SLC6A5: variants seen among roughly 807,000 people sequenced by gnomAD.
SLC6A5 encodes solute carrier family 6 member 5, also known as sodium- and chloride-dependent glycine transporter 2.
In SLC6A5, 58 loss-of-function variants were observed where a neutral mutation model predicts 90.5. The ratio of observed to expected loss-of-function variants is 0.64; its 90% CI spans 0.52 to 0.80. The LOEUF is 0.80. Ranked by LOEUF, SLC6A5 falls within the 30% of genes least tolerant of loss-of-function variation. The probability of loss-of-function intolerance (pLI) is 0.00; values close to 1 mark genes in which losing one functional copy is unlikely to be tolerated. For missense variants in SLC6A5, 1,015 were observed against 1,017.6 expected (o/e 1.00, Z 0.03); for synonymous variants, 427 against 401.4 (o/e 1.06, Z -0.76).
chr11:20,617,357 A>C (rs1327935777), intron 6 of SLC6A5, among the ~76,000 whole-genome samples: 1 of 152,256 alleles, frequency 6.6e-6, no homozygotes, highest in African/African-American at 2.4e-5. Context: ...CTACCAGAAT[A>C]AATTCTCATA....
intron 13 of SLC6A5, among the ~76,000 whole-genome samples, chr11:20,646,054 C>T (rs1452561985): frequency 4.6e-5 from 7 of 152,164 alleles, no homozygotes; most frequent in Non-Finnish European, 7.3e-5. Flanking sequence ...CCTGGGAAGG[C>T]CACAGTTCTG....
At chr11:20,617,949 A>C in intron 7 of SLC6A5, 65 bp downstream of exon 7, 1 of 1,512,968 alleles carries the variant, frequency 6.6e-7, no homozygotes, top group Non-Finnish European at 9.1e-7. Context: ...TTTGGGGAGC[A>C]GGCAGAGCAC....
intron 7 of SLC6A5, among the ~76,000 whole-genome samples, chr11:20,621,601 A>C (rs896827567): frequency 2.6e-5 from 4 of 152,254 alleles, no homozygotes; most frequent in African/African-American, 9.6e-5. Context: ...ATCACAATTT[A>C]CTATCCTGCC....
intron 7 of SLC6A5, among the ~76,000 whole-genome samples, chr11:20,624,885 G>A (rs940460904): frequency 6.6e-6 from 1 of 152,134 alleles, no homozygotes; most frequent in Admixed American, 6.5e-5. Flanking sequence ...CAGTGCCCTG[G>A]GCCTGTTCCA....
chr11:20,626,431 G>T lies in SLC6A5; in HGVS notation c.1261-277G>T, dbSNP rs573212717. Reference sequence around the variant, plus strand: ...CCCCTAAGGAGTTGTGTACTCATCAGCTGGGCTGGATGACATCTCCCCCAG... The same window carrying T: ...CCCCTAAGGAGTTGTGTACTCATCATCTGGGCTGGATGACATCTCCCCCAG... On this transcript the variant is annotated intron_variant, in intron 7 of 15. Transcript: ENST00000525748. Among the ~76,000 whole-genome samples, 20 of 152,184 alleles carry T rather than the reference G, an allele frequency of 1.3e-4. No individual in the cohort carries two copies. The East Asian group carries it at 3.7e-3, about 28-fold the overall frequency.
intron 7 of SLC6A5, among the ~76,000 whole-genome samples, chr11:20,623,773 A>G (rs960904488): frequency 6.6e-6 from 1 of 151,902 alleles, no homozygotes; most frequent in African/African-American, 2.4e-5. Context: ...CCATGATTCC[A>G]ACTGTTCCCT....
chr11:20,602,895 G>A (rs1317731097), intron 2 of SLC6A5, among the ~76,000 whole-genome samples: 1 of 152,218 alleles, frequency 6.6e-6, no homozygotes, highest in African/African-American at 2.4e-5. Flanking sequence ...CAGAATATTT[G>A]TTTCACTTGT....
intron 1 of SLC6A5, 119 bp downstream of exon 1, chr11:20,599,794 A>G (rs1388404992): frequency 8.6e-7 from 1 of 1,158,058 alleles, no homozygotes; most frequent in African/African-American, 1.5e-5. Context: ...AAAGGGGGCG[A>G]CGAGGAGAAC....
intron 13 of SLC6A5, among the ~76,000 whole-genome samples, chr11:20,640,392 T>G (rs1466685559): frequency 6.6e-6 from 1 of 152,078 alleles, no homozygotes; most frequent in African/African-American, 2.4e-5. Context: ...TTAAATAGTC[T>G]CCCCCGCATC....
At chr11:20,628,760 A>T (rs941524276) in intron 9 of SLC6A5, among the ~76,000 whole-genome samples, 1 of 152,182 alleles carries the variant, frequency 6.6e-6, no homozygotes, top group African/African-American at 2.4e-5. Flanking sequence ...AAGCATTGCT[A>T]TCTTCTTTAT....
intron 11 of SLC6A5, among the ~76,000 whole-genome samples, chr11:20,636,825 A>G (rs776417062): frequency 6.6e-6 from 1 of 152,106 alleles, no homozygotes; most frequent in Non-Finnish European, 1.5e-5. Context: ...TTGGGTGCAA[A>G]GAGGGTTTTT....
rs1853647187 is a variant in SLC6A5 at position 20,657,173 on chromosome 11, C to T, written c.*2305C>T. The stretch of plus-strand genomic sequence containing the variant: ...GTTGCAGTCTGATGCTGGACGCCAA[C>T]CCAATTTCTGCTAATTATTGCTTTT... On this transcript the variant is annotated 3_prime_UTR_variant, in exon 16 of 16. Transcript: ENST00000525748. 6.6e-6 allele frequency: 1 copy of T among 151,938 alleles called. No individual in the cohort carries two copies. The highest frequency in any genetic ancestry group is 2.4e-5 in the African/African-American group (1 of 41,284). 9.4% of individuals were successfully genotyped at this position (151,938 alleles called of 1,614,324 possible).
chr11:20,645,635 G>GTTTT (rs150652189), intron 13 of SLC6A5, among the ~76,000 whole-genome samples: 7 of 94,696 alleles, frequency 7.4e-5, no homozygotes, highest in African/African-American at 2.4e-4. Flanking sequence ...ATGATGAAGT[G>GTTTT]TTTTTTTTTT....
rs755040627 is a variant in SLC6A5 at position 20,652,342 on chromosome 11, C to T, written c.2124C>T (p.Tyr708=). ...GGGAGCCCATGACCTATGGCTCTTA[C>T]CGCTATCCTAACTGGTCCATGGTGC... The part of the protein sequence containing the change: ...YQWEPMTYGS[Y]RYPNWSMVLG... The change falls in exon 15 of 16, where the codon TAC becomes TAT. Residue 708 remains tyrosine (Y), a synonymous_variant. Transcript: ENST00000525748. 6.2e-7 allele frequency: 1 copy of T among 1,614,134 alleles called. No homozygotes were observed. The highest frequency in any genetic ancestry group is 1.1e-5 in the South Asian group (1 of 91,086).
rs139433293 is a variant in SLC6A5 at position 20,623,098 on chromosome 11, C to G, written c.1261-3610C>G. Among the ~76,000 whole-genome samples the G allele has an allele frequency of 7.0e-3, 1,067 of 152,188 alleles. 11 individuals are homozygous for G. The highest frequency in any genetic ancestry group is 0.024 in the African/African-American group (1,004 of 41,510). On this transcript the variant is annotated intron_variant, in intron 7 of 15. Coordinates refer to ENST00000525748, the MANE Select transcript of SLC6A5 (RefSeq NM_004211.5). ...AGGAGCTGGCTGCTGCTCCTCCCTTCCATTCCTAGCACTGCAAGTTCTTTG... is the reference window on the plus strand; with the variant it reads ...AGGAGCTGGCTGCTGCTCCTCCCTTGCATTCCTAGCACTGCAAGTTCTTTG...
chr11:20,648,500 T>C (rs11025675), intron 14 of SLC6A5, among the ~76,000 whole-genome samples: 36,360 of 152,042 alleles, frequency 0.24, 5,440 homozygotes, highest in African/African-American at 0.43. Context: ...CCACCAGATT[T>C]GGGGCATGAG....
intron 9 of SLC6A5, among the ~76,000 whole-genome samples, chr11:20,630,178 G>A (rs1853081352): frequency 6.6e-6 from 1 of 152,286 alleles, no homozygotes; most frequent in African/African-American, 2.4e-5. Context: ...CCAAGTTCAA[G>A]GTGCCAGAAT....
At chr11:20,622,668 G>T (rs1370639819) in intron 7 of SLC6A5, among the ~76,000 whole-genome samples, 1 of 152,198 alleles carries the variant, frequency 6.6e-6, no homozygotes, top group Non-Finnish European at 1.5e-5. Flanking sequence ...ACTCAGGAGT[G>T]ATGGTGTCTA....
intron 14 of SLC6A5, among the ~76,000 whole-genome samples, chr11:20,647,617 C>T (rs1324511427): frequency 6.6e-6 from 1 of 151,978 alleles, no homozygotes; most frequent in Non-Finnish European, 1.5e-5. Flanking sequence ...AGGCTTTGTT[C>T]ACAGTGCTTC....
Sources: allele counts gnomAD v4.1 joint callset (sites outside exome capture counted in the v4.1 genomes callset), GRCh38; gene constraint gnomAD v4.1.1; transcripts MANE v1.5; gene names NCBI Gene and HGNC (gene_info 2026-07-23, HGNC 2026-07-21).